GBE1: variants seen among roughly 807,000 people sequenced by gnomAD.
GBE1 encodes the protein 1,4-alpha-glucan branching enzyme 1.
Under a neutral mutation model 88.8 loss-of-function variants are expected in GBE1, and 70 were observed. The ratio of observed to expected loss-of-function variants is 0.79; its 90% confidence interval spans 0.65 to 0.96. The LOEUF is 0.96. GBE1 is among the 40% of genes least tolerant of loss of function. The probability of loss-of-function intolerance (pLI) is 0.00; values close to 1 mark genes in which losing one functional copy is unlikely to be tolerated. For missense variants in GBE1, 872 were observed against 871.0 expected (o/e 1.00, Z -0.01); for synonymous variants, 284 against 300.1 (o/e 0.95, Z 0.56).
intron 3 of GBE1, among the ~76,000 whole-genome samples, chr3:81,652,245 G>A (rs910139561): frequency 6.6e-6 from 1 of 152,288 alleles, no homozygotes; most frequent in South Asian, 2.1e-4. Context: ...GAGGACAAGG[G>A]GAGCCAATGA....
At chr3:81,547,328 C>G (rs1043808457) in intron 12 of GBE1, among the ~76,000 whole-genome samples, 1 of 151,440 alleles carries the variant, frequency 6.6e-6, no homozygotes, top group Admixed American at 6.6e-5. Context: ...CGGATAAGAA[C>G]GGGTTCAGCA....
chr3:81,696,058 C>A (rs1003182822), intron 2 of GBE1, among the ~76,000 whole-genome samples: 2 of 152,020 alleles, frequency 1.3e-5, no homozygotes, highest in African/African-American at 4.8e-5. Context: ...TCTATTCAAG[C>A]TTAAAAGTAC....
Position 81,657,112 on chromosome 3 carries a change from C to T in GBE1, c.430-7191G>A, listed in dbSNP as rs180840881. On this transcript the variant is annotated intron_variant, in intron 3 of 15. Transcript: ENST00000429644. ...CAGAGGTTGCAGTGAGCCGAGACCA[C>T]GCCACTGCACTCCAGCCGTCTCAAA... Among the ~76,000 whole-genome samples the T allele has an allele frequency of 1.7e-3, 247 of 147,806 alleles. 3 individuals carry two copies. Among genetic ancestry groups the T allele is most frequent in the Admixed American group, 8.1e-3 (120 of 14,724 alleles).
At chr3:81,552,952 A>T (rs928111850) in intron 12 of GBE1, among the ~76,000 whole-genome samples, 4 of 152,216 alleles carry the variant, frequency 2.6e-5, no homozygotes, top group African/African-American at 9.6e-5. Flanking sequence ...ATAGATCAGG[A>T]AAGTAATGTG....
intron 1 of GBE1, among the ~76,000 whole-genome samples, chr3:81,754,475 G>A (rs1326330519): frequency 2.7e-5 from 3 of 110,124 alleles, no homozygotes; most frequent in African/African-American, 6.8e-5. Context: ...AAGTTTAAAT[G>A]AAACCACAAA....
chr3:81,710,843 A>G (rs959945589), intron 1 of GBE1, among the ~76,000 whole-genome samples: 1 of 152,240 alleles, frequency 6.6e-6, no homozygotes, highest in Non-Finnish European at 1.5e-5. Flanking sequence ...GTGTTTAAGA[A>G]TGCTTTCCAT....
In GBE1 at chr3:81,705,576, C is replaced by T. The variant is rs781169467; in HGVS notation, c.181G>A (p.Glu61Lys). The change falls in exon 2 of 16, where the codon GAA becomes AAA. Residue 61 changes from glutamate (E) to lysine (K), a missense_variant. By Grantham distance (56) the Glu-to-Lys change is moderately conservative. Transcript: ENST00000429644. ...QFSQILKNIG[E>K]NEGGIDKFSR... is the part of the protein sequence containing the mutation. ...AACTTATCAATACCACCTTCATTTTCTCCAATGTTCTTCAAAATTTGGCTA... is the reference window on the plus strand; with the variant it reads ...AACTTATCAATACCACCTTCATTTTTTCCAATGTTCTTCAAAATTTGGCTA... 2.5e-6 allele frequency: 4 copies of T among 1,574,414 alleles called. No individual in the cohort carries two copies. The South Asian group carries it at 3.5e-5, about 14-fold the overall frequency.
chr3:81,581,026 C>T, intron 11 of GBE1, 139 bp downstream of exon 11: 1 of 466,072 alleles, frequency 2.1e-6, no homozygotes, highest in South Asian at 3.6e-5. Flanking sequence ...TATATTAATA[C>T]ACACACACAC....
At chr3:81,567,198 G>T (rs1703506638) in intron 12 of GBE1, among the ~76,000 whole-genome samples, 2 of 152,056 alleles carry the variant, frequency 1.3e-5, no homozygotes, top group African/African-American at 4.8e-5. Context: ...ATTCAACATG[G>T]ATGGCCATCT....
At chr3:81,698,957 G>A (rs1337162877) in intron 2 of GBE1, among the ~76,000 whole-genome samples, 2 of 152,160 alleles carry the variant, frequency 1.3e-5, no homozygotes, top group South Asian at 4.1e-4. Flanking sequence ...AGGAAGTACT[G>A]CAAAACTTTC....
chr3:81,595,780 G>A (rs1703947880), intron 7 of GBE1, among the ~76,000 whole-genome samples: 1 of 151,756 alleles, frequency 6.6e-6, no homozygotes, highest in Non-Finnish European at 1.5e-5. Context: ...GACCAAAACA[G>A]GAAATAAACT....
intron 3 of GBE1, among the ~76,000 whole-genome samples, chr3:81,669,601 G>A (rs1026497576): frequency 6.0e-5 from 9 of 150,958 alleles, no homozygotes; most frequent in African/African-American, 1.9e-4. Flanking sequence ...ACTGTTCAAA[G>A]AATTGAGAGT....
At chr3:81,647,564 GT>G (rs1704783272) in intron 5 of GBE1, among the ~76,000 whole-genome samples, 1 of 152,068 alleles carries the variant, frequency 6.6e-6, no homozygotes, top group Non-Finnish European at 1.5e-5. Context: ...TCTTCTTGAA[GT>G]ATAATTTGGT....
chr3:81,705,680 TAAGTA>T, intron 1 of GBE1, 67 bp from the exon 2 acceptor site: 1 of 1,027,750 alleles, frequency 9.7e-7, no homozygotes, highest in South Asian at 1.9e-5. Flanking sequence ...CTACTGTAAT[TAAGTA>T]ACTGCTTTAG....
chr3:81,695,509 T>C (rs1705578493), intron 2 of GBE1, among the ~76,000 whole-genome samples: 1 of 152,166 alleles, frequency 6.6e-6, no homozygotes, highest in South Asian at 2.1e-4. Flanking sequence ...GAATTAGAAC[T>C]AACTACTAAC....
intron 3 of GBE1, among the ~76,000 whole-genome samples, chr3:81,653,841 AT>A (rs67930690): frequency 0.14 from 21,197 of 152,136 alleles, 1,621 homozygotes; most frequent in Non-Finnish European, 0.19. Flanking sequence ...AGTAGTTTTT[AT>A]TTTTTAGCTA....
chr3:81,723,289 G>C (rs1285779984), intron 1 of GBE1, among the ~76,000 whole-genome samples: 1 of 147,408 alleles, frequency 6.8e-6, no homozygotes, highest in South Asian at 2.1e-4. Flanking sequence ...TTTTAGTAGA[G>C]AGGGGGTTTC....
intron 7 of GBE1, among the ~76,000 whole-genome samples, chr3:81,614,563 C>T (rs1704224247): frequency 6.6e-6 from 1 of 151,582 alleles, no homozygotes; most frequent in Non-Finnish European, 1.5e-5. Context: ...TTCTTTTCTA[C>T]AAAAAAAATA....
chr3:81,555,070 A>G (rs1703328817), intron 12 of GBE1, among the ~76,000 whole-genome samples: 1 of 152,218 alleles, frequency 6.6e-6, no homozygotes. Context: ...GCTGGTGGGA[A>G]ACACTGTGAA....
Sources: gnomAD v4.1 joint callset for allele counts (sites outside exome capture counted in the v4.1 genomes callset) on GRCh38, gnomAD v4.1.1 for gene constraint, MANE v1.5 for transcripts, NCBI Gene and HGNC (gene_info 2026-07-23, HGNC 2026-07-21) for gene names.